The following PTPRD variants were observed in gnomAD, a reference collection of about 807,000 sequenced individuals.
The protein encoded by PTPRD is protein tyrosine phosphatase receptor type D.
In PTPRD, 34 loss-of-function variants were observed where a neutral mutation model predicts 214.5. That is an observed-to-expected ratio of 0.16 (90% CI 0.12 to 0.21). PTPRD has a LOEUF of 0.21. PTPRD is among the 10% of genes least tolerant of loss of function. The probability of loss-of-function intolerance (pLI) is 1.00; values close to 1 mark genes in which losing one functional copy is unlikely to be tolerated. For synonymous variants in PTPRD, 1,128 were observed against 845.7 expected (o/e 1.33, Z -5.79); for missense variants, 2,545 against 2,398.7 (o/e 1.06, Z -1.27).
intron 12 of PTPRD, among the ~76,000 whole-genome samples, chr9:8,657,449 G>A (rs372175411): frequency 1.4e-4 from 22 of 152,162 alleles, no homozygotes; most frequent in South Asian, 8.3e-4. Flanking sequence ...GATTACAGGC[G>A]TGAGCCACCG....
chr9:9,272,196 A>G (rs1943224329), intron 9 of PTPRD, among the ~76,000 whole-genome samples: 1 of 151,244 alleles, frequency 6.6e-6, no homozygotes, highest in African/African-American at 2.4e-5. Flanking sequence ...AGGGTCGTTT[A>G]TGTAATGAAA....
At position 8,342,115 on chromosome 9, in the gene PTPRD, T is replaced by C. The variant is rs1016982875; in HGVS notation, c.4662-137A>G. ...TCAAATAGCTATTGGGATGACTTTG[T>C]AATACTCTAAAGTCAAAAGTATTAT... On this transcript the variant is annotated intron_variant, in intron 39 of 45. Transcript: ENST00000381196. 8 of 896,652 alleles carry C rather than the reference T, an allele frequency of 8.9e-6. No homozygotes were observed. In the South Asian group the frequency reaches 1.8e-4, roughly 20 times the overall value. The allele number at this position is 896,652 out of a possible 1,614,324, so 55.5% of individuals were successfully genotyped here. A position where few individuals can be genotyped will look rare whatever the true frequency, so the allele number is the denominator to read the frequency against.
At chr9:8,749,726 T>C (rs2093324838) in intron 11 of PTPRD, among the ~76,000 whole-genome samples, 2 of 152,226 alleles carry the variant, frequency 1.3e-5, no homozygotes. Context: ...TAAAAATGAA[T>C]TCCTTCATTC....
intron 10 of PTPRD, among the ~76,000 whole-genome samples, chr9:9,031,715 A>G (rs1297253782): frequency 1.3e-5 from 2 of 152,062 alleles, no homozygotes; most frequent in African/African-American, 4.8e-5. Context: ...AAATTCATGC[A>G]CAAATAATCA....
intron 3 of PTPRD, among the ~76,000 whole-genome samples, chr9:10,133,452 G>A (rs2098917249): frequency 6.6e-6 from 1 of 151,920 alleles, no homozygotes; most frequent in Non-Finnish European, 1.5e-5. Flanking sequence ...ATACATATAT[G>A]AATATAATAC....
chr9:9,139,107 GC>G (rs1476381183), intron 10 of PTPRD, among the ~76,000 whole-genome samples: 15 of 91,014 alleles, frequency 1.6e-4, no homozygotes, highest in Non-Finnish European at 2.0e-4. Flanking sequence ...CCTCCCCCCC[GC>G]CCCCACCTTA....
chr9:9,326,378 C>A (rs1373731242), intron 9 of PTPRD, among the ~76,000 whole-genome samples: 1 of 151,820 alleles, frequency 6.6e-6, no homozygotes, highest in East Asian at 1.9e-4. Context: ...AAACAATTAA[C>A]AAAGAATTAT....
chr9:9,532,849 G>A (rs756635792), intron 8 of PTPRD, among the ~76,000 whole-genome samples: 16 of 152,086 alleles, frequency 1.1e-4, no homozygotes, highest in Non-Finnish European at 2.1e-4. Flanking sequence ...TAATAACATG[G>A]CACAGTTTAT....
chr9:9,209,009 C>T (rs920539273), intron 9 of PTPRD, among the ~76,000 whole-genome samples: 21 of 151,914 alleles, frequency 1.4e-4, no homozygotes, highest in East Asian at 9.7e-4. Flanking sequence ...AGGGTTTCAC[C>T]ATGTTTGCCA....
chr9:8,441,174 G>A (rs2095535347), intron 34 of PTPRD, among the ~76,000 whole-genome samples: 1 of 152,072 alleles, frequency 6.6e-6, no homozygotes, highest in Admixed American at 6.6e-5. Flanking sequence ...TCCAGGGCTG[G>A]CTTTTGTGTC....
At chr9:8,833,690 C>CTA (rs1484424941) in intron 11 of PTPRD, among the ~76,000 whole-genome samples, 3 of 109,908 alleles carry the variant, frequency 2.7e-5, no homozygotes, top group Non-Finnish European at 5.8e-5. Context: ...ACTCTCTCCT[C>CTA]TCTCTCTCTC....
At chr9:9,964,476 G>A (rs888588221) in intron 4 of PTPRD, among the ~76,000 whole-genome samples, 2 of 152,134 alleles carry the variant, frequency 1.3e-5, no homozygotes, top group African/African-American at 4.8e-5. Flanking sequence ...AAGCTTAGCA[G>A]GATAGGACAA....
At chr9:8,407,495 A>G (rs1217481800) in intron 35 of PTPRD, among the ~76,000 whole-genome samples, 1 of 152,184 alleles carries the variant, frequency 6.6e-6, no homozygotes, top group Non-Finnish European at 1.5e-5. Flanking sequence ...TCAACTGATA[A>G]TTAACAGCTG....
intron 3 of PTPRD, among the ~76,000 whole-genome samples, chr9:10,336,227 T>A (rs940138830): frequency 1.3e-5 from 2 of 151,744 alleles, no homozygotes; most frequent in Admixed American, 6.6e-5. Context: ...AGTCTTTTTT[T>A]AAAAGTGAAT....
chr9:9,180,916 G>C (rs2099927825), intron 10 of PTPRD, among the ~76,000 whole-genome samples: 1 of 152,090 alleles, frequency 6.6e-6, no homozygotes, highest in Non-Finnish European at 1.5e-5. Context: ...AAAAGAGCCA[G>C]GTAGATTTCT....
At chr9:9,680,816 A>G (rs1166909797) in intron 7 of PTPRD, among the ~76,000 whole-genome samples, 1 of 151,788 alleles carries the variant, frequency 6.6e-6, no homozygotes, top group Non-Finnish European at 1.5e-5. Context: ...ACTGCCTGCC[A>G]GCTATGCAGA....
At chr9:9,099,498 T>C (rs1378147906) in intron 10 of PTPRD, among the ~76,000 whole-genome samples, 1 of 152,142 alleles carries the variant, frequency 6.6e-6, no homozygotes, top group Admixed American at 6.6e-5. Flanking sequence ...CCTGGGTGTG[T>C]TGCAGGTTTT....
At chr9:8,461,992 T>C (rs1037840822) in intron 32 of PTPRD, among the ~76,000 whole-genome samples, 4 of 151,860 alleles carry the variant, frequency 2.6e-5, no homozygotes, top group African/African-American at 9.7e-5. Flanking sequence ...TAGCATCTCT[T>C]GTCCTCTCTT....
At chr9:9,829,647 C>A (rs1161085524) in intron 5 of PTPRD, among the ~76,000 whole-genome samples, 1 of 151,740 alleles carries the variant, frequency 6.6e-6, no homozygotes, top group Non-Finnish European at 1.5e-5. Context: ...TAACATTAAC[C>A]AAAACCACTA....
Sources: allele counts gnomAD v4.1 joint callset (sites outside exome capture counted in the v4.1 genomes callset), GRCh38; gene constraint gnomAD v4.1.1; transcripts MANE v1.5; gene names NCBI Gene and HGNC (gene_info 2026-07-23, HGNC 2026-07-21).